The following AAAS variants were observed in gnomAD, a reference collection of about 807,000 sequenced individuals.
AAAS encodes aladin WD repeat nucleoporin, also known as aladin.
In AAAS, 60 loss-of-function variants were observed where a neutral mutation model predicts 75.6. That is an observed-to-expected ratio of 0.79 (90% CI 0.64 to 0.98). The LOEUF is 0.98. AAAS is among the 50% of genes least tolerant of loss of function. The pLI is 0.00. For missense variants in AAAS, 658 were observed against 686.9 expected (o/e 0.96, Z 0.47); for synonymous variants, 271 against 265.0 (o/e 1.02, Z -0.22).
chr12:53,309,029 G>A lies in AAAS; in HGVS notation c.936-9C>T. ...TCTGGGCCTCCCAGACTCTGAGCCA[G>A]AGAAAAGCAAATTACAGCTCAGGAC... On this transcript the variant is annotated splice_polypyrimidine_tract_variant and intron_variant, in intron 9 of 15. Coordinates refer to ENST00000209873, the MANE Select transcript of AAAS (RefSeq NM_015665.6). 6.2e-7 allele frequency: 1 copy of A among 1,614,180 alleles called. No individual in the cohort carries two copies. The highest frequency in any genetic ancestry group is 8.5e-7 in the Non-Finnish European group (1 of 1,180,028).
rs1292401766 is a variant in AAAS at position 53,315,316 on chromosome 12, G to A, written c.399+19C>T. 2.5e-6 allele frequency: 4 copies of A among 1,613,246 alleles called. No individual in the cohort carries two copies. Among genetic ancestry groups the A allele is most frequent in the African/African-American group, 1.3e-5 (1 of 75,038 alleles). ...GGGACACAGCAAATGCAGAGGGCTG[G>A]GGAGGAAGCCAAACTTACAGACAGA... On this transcript the variant is annotated intron_variant, in intron 4 of 15. Coordinates refer to ENST00000209873, the MANE Select transcript of AAAS (RefSeq NM_015665.6).
chr12:53,320,251 G>A (rs1944532838), intron 2 of AAAS, among the ~76,000 whole-genome samples: 1 of 152,224 alleles, frequency 6.6e-6, no homozygotes, highest in Non-Finnish European at 1.5e-5. Flanking sequence ...AAGCTCAGAA[G>A]TGGTAATGCC....
chr12:53,313,806 G>T (rs1212160251), intron 7 of AAAS, among the ~76,000 whole-genome samples: 1 of 139,954 alleles, frequency 7.1e-6, no homozygotes, highest in East Asian at 2.2e-4. Context: ...ACAAGGTTTT[G>T]CTATGTTGGC....
chr12:53,312,790 T>A (rs1944408767), intron 7 of AAAS, among the ~76,000 whole-genome samples: 1 of 149,586 alleles, frequency 6.7e-6, no homozygotes, highest in African/African-American at 2.4e-5. Flanking sequence ...TACACGTATA[T>A]ATATATATAC....
chr12:53,311,558 T>G (rs1944388743), intron 7 of AAAS, among the ~76,000 whole-genome samples: 1 of 151,936 alleles, frequency 6.6e-6, no homozygotes, highest in Non-Finnish European at 1.5e-5. Flanking sequence ...GTGCAATGAT[T>G]GAGTCTGTGA....
chr12:53,308,171 G>A, intron 13 of AAAS, 38 bp from the exon 14 acceptor site: 1 of 1,612,714 alleles, frequency 6.2e-7, no homozygotes, highest in Non-Finnish European at 8.5e-7. Context: ...GAGGAACTCT[G>A]AAGGCAGAGT....
intron 7 of AAAS, among the ~76,000 whole-genome samples, chr12:53,311,752 C>T (rs1456771076): frequency 1.3e-5 from 2 of 151,756 alleles, no homozygotes; most frequent in Admixed American, 6.6e-5. Flanking sequence ...CCTGTCTCTA[C>T]TAAAAATAAA....
At position 53,314,329 on chromosome 12, in the gene AAAS, AGATAAGAATG is replaced by A; in HGVS notation, c.648_657del (p.Ile217GlyfsTer71). ...GACAAGGAGGTAGGGTCCAGGGTCC[AGATAAGAATG>A]CAGCTCTGGCAGGCCACAGCCAAGA... On this transcript the variant is annotated frameshift_variant, in exon 7 of 16. Coordinates refer to ENST00000209873, the MANE Select transcript of AAAS (RefSeq NM_015665.6). LOFTEE classifies it high-confidence loss of function. 6.2e-7 allele frequency: 1 copy of A among 1,614,206 alleles called. No individual in the cohort carries two copies. Among genetic ancestry groups the A allele is most frequent in the Non-Finnish European group, 8.5e-7 (1 of 1,180,018 alleles).
In AAAS at chr12:53,308,315, G is replaced by A. The variant is rs996030029; in HGVS notation, c.1216C>T (p.Pro406Ser). Residue 406 changes from proline (P) to serine (S), a missense_variant, in exon 13 of 16, where the codon CCC (proline) becomes TCC (serine). Transcript: ENST00000209873. ...AGCACAGCCAGACGTTCCCCACTGG[G>A]GTCCCAGACCATGGAGTGAGCCTCT... ...GGEAHSMVWD[P>S]SGERLAVLMK... The A allele has an allele frequency of 6.8e-6, 11 of 1,614,172 alleles. No homozygotes were observed. The highest frequency in any genetic ancestry group is 9.3e-6 in the Non-Finnish European group (11 of 1,180,020).
intron 2 of AAAS, 24 bp downstream of exon 2, chr12:53,320,541 A>G (rs749956903): frequency 4.3e-6 from 7 of 1,613,198 alleles, no homozygotes; most frequent in Non-Finnish European, 5.9e-6. Flanking sequence ...ACTGTGACCC[A>G]GGAAACCCTT....
At chr12:53,309,781 C>A in intron 7 of AAAS, 60 bp from the exon 8 acceptor site, 1 of 1,594,094 alleles carries the variant, frequency 6.3e-7, no homozygotes, top group South Asian at 1.1e-5. Flanking sequence ...CCCCAAAATT[C>A]TATTTCTTTG....
At position 53,314,638 on chromosome 12, in the gene AAAS, C is replaced by T. The variant is rs998702356; in HGVS notation, c.545+113G>A. ...TTATGGAGCTTCCCTGACCCCAGTT[C>T]TGGAAGGAGCCCCATGAATCAGGTT... On this transcript the variant is annotated intron_variant, in intron 6 of 15. Transcript: ENST00000209873. 50 of 1,350,590 alleles carry T rather than the reference C, an allele frequency of 3.7e-5. No individual in the cohort carries two copies. In the African/African-American group the frequency reaches 6.1e-4, roughly 16 times the overall value. 83.7% of individuals were successfully genotyped at this position (1,350,590 alleles called of 1,614,324 possible).
chr12:53,315,355 A>G lies in AAAS; in HGVS notation c.379T>C (p.Ser127Pro). The G allele has an allele frequency of 6.2e-7, 1 of 1,614,186 alleles. No homozygotes were observed. The highest frequency in any genetic ancestry group is 1.3e-5 in the African/African-American group (1 of 75,062). The stretch of plus-strand genomic sequence containing the variant: ...CTTACAGACAGATGGGGGAACAGGG[A>G]CCCATGGAGGGAAGAGGCCCATCGA... Reference protein sequence around the residue: ...LCRWASSLHGSLFPHLSLRSE... With the variant: ...LCRWASSLHGPLFPHLSLRSE... Residue 127 changes from serine to proline, a missense_variant, in exon 4 of 16, where the codon TCC becomes CCC. Coordinates refer to ENST00000209873, the MANE Select transcript of AAAS (RefSeq NM_015665.6).
chr12:53,321,601 C>G lies in AAAS; in HGVS notation c.-136G>C, dbSNP rs1256893402. ...AAGGGACAAACGGCGAGGCGGAACT[C>G]AACGGAAGTGAAGAAAAGACTAACG... is the stretch of plus-strand genomic sequence containing the variant. On this transcript the variant is annotated 5_prime_UTR_variant, in exon 1 of 16. Coordinates refer to ENST00000209873, the MANE Select transcript of AAAS (RefSeq NM_015665.6). 2 of 1,471,260 alleles carry G rather than the reference C, an allele frequency of 1.4e-6. No homozygotes were observed. The highest frequency in any genetic ancestry group is 1.9e-6 in the Non-Finnish European group (2 of 1,066,470). 91.1% of individuals were successfully genotyped at this position (1,471,260 alleles called of 1,614,324 possible). A position where few individuals can be genotyped will look rare whatever the true frequency, so the allele number is the denominator to read the frequency against.
At chr12:53,312,217 C>CAA (rs111952165) in intron 7 of AAAS, among the ~76,000 whole-genome samples, 2 of 139,520 alleles carry the variant, frequency 1.4e-5, no homozygotes. Flanking sequence ...AACTCCATCT[C>CAA]AAAAAAAAAA....
Position 53,308,512 on chromosome 12 carries a change from G to A in AAAS, c.1104C>T (p.Cys368=), listed in dbSNP as rs141648481. Residue 368 remains cysteine, a synonymous_variant, in exon 12 of 16, where the codon TGC becomes TGT. Transcript: ENST00000209873. The part of the protein sequence containing the change: ...FPERCGEGKG[C]VGGAKSATIV... ...TCGTTGCTGACTTTGCACCTCCAAC[G>A]CACCCCTTTCCCTCACCTGTGGACA... The A allele has an allele frequency of 1.0e-4, 163 of 1,614,032 alleles. 1 individual carries two copies. In the African/African-American group the frequency reaches 1.7e-3, roughly 17 times the overall value.
intron 1 of AAAS, 70 bp downstream of exon 1, chr12:53,321,273 C>T: frequency 6.3e-7 from 1 of 1,584,380 alleles, no homozygotes; most frequent in South Asian, 1.1e-5. Context: ...TGTCACACTG[C>T]CTCCTTTCCC....
chr12:53,321,277 C>G (rs1211232604), intron 1 of AAAS, 66 bp downstream of exon 1: 5 of 1,588,758 alleles, frequency 3.1e-6, no homozygotes, highest in Non-Finnish European at 4.3e-6. Flanking sequence ...ACACTGCCTC[C>G]TTTCCCCAGT....
intron 3 of AAAS, 82 bp downstream of exon 3, chr12:53,315,645 C>T: frequency 6.6e-7 from 1 of 1,525,130 alleles, no homozygotes; most frequent in Non-Finnish European, 9.0e-7. Flanking sequence ...GAGGCTGAGC[C>T]AACAGGTGTC....
Sources: gnomAD v4.1 joint callset for allele counts (sites outside exome capture counted in the v4.1 genomes callset) on GRCh38, gnomAD v4.1.1 for gene constraint, MANE v1.5 for transcripts, NCBI Gene and HGNC (gene_info 2026-07-23, HGNC 2026-07-21) for gene names.